Variants in FCRL5 observed in about 807,000 individuals in gnomAD.
The protein encoded by FCRL5 is Fc receptor like 5.
In FCRL5, 79 loss-of-function variants were observed where a neutral mutation model predicts 92.1. That is an observed-to-expected ratio of 0.86 (90% CI 0.72 to 1.03). FCRL5 has a LOEUF of 1.03. Ranked by LOEUF, FCRL5 falls within the 50% of genes least tolerant of loss-of-function variation. The pLI is 0.00. For missense variants in FCRL5, 1,160 were observed against 1,181.1 expected (o/e 0.98, Z 0.26); for synonymous variants, 466 against 469.3 (o/e 0.99, Z 0.09).
rs190713861 is a variant in FCRL5, at chr1:157,550,548, C to T, written c.32-968G>A. The stretch of plus-strand genomic sequence containing the variant: ...AGAGATGGTAATGTGTAATTTTTGT[C>T]AGAGTATTTATCCAAATTATCTTCA... On this transcript the variant is annotated intron_variant, in intron 1 of 16. Transcript: ENST00000361835. Among the ~76,000 whole-genome samples the T allele has an allele frequency of 2.3e-4, 35 of 152,312 alleles. No individual in the cohort carries two copies. The East Asian group carries it at 6.2e-3, about 27-fold the overall frequency.
At chr1:157,525,678 G>A (rs960440250) in intron 9 of FCRL5, among the ~76,000 whole-genome samples, 1 of 152,196 alleles carries the variant, frequency 6.6e-6, no homozygotes, top group Non-Finnish European at 1.5e-5. Flanking sequence ...CTAGATAGAG[G>A]TGGTAGAGAT....
At chr1:157,526,600 A>G (rs988328880) in intron 9 of FCRL5, among the ~76,000 whole-genome samples, 1 of 152,216 alleles carries the variant, frequency 6.6e-6, no homozygotes, top group Non-Finnish European at 1.5e-5. Context: ...TGAAATCTGG[A>G]GACCAGATGG....
intron 13 of FCRL5, among the ~76,000 whole-genome samples, chr1:157,519,305 C>T (rs1226947987): frequency 1.3e-5 from 2 of 152,242 alleles, no homozygotes; most frequent in Non-Finnish European, 2.9e-5. Flanking sequence ...CTACCTCCTG[C>T]TGGCAGAGTG....
At chr1:157,527,107 G>A (rs1030914422) in intron 9 of FCRL5, among the ~76,000 whole-genome samples, 2 of 152,204 alleles carry the variant, frequency 1.3e-5, no homozygotes, top group Non-Finnish European at 2.9e-5. Context: ...AATGGAACAG[G>A]AGCAGGTAAG....
At chr1:157,533,157 T>C (rs1650776368) in intron 8 of FCRL5, 1 of 152,170 alleles carries the variant, frequency 6.6e-6, no homozygotes, top group Admixed American at 6.5e-5. Context: ...AATAACGTCA[T>C]CAACATATAT....
chr1:157,550,042 G>C (rs1651747377), intron 1 of FCRL5, among the ~76,000 whole-genome samples: 1 of 152,204 alleles, frequency 6.6e-6, no homozygotes, highest in East Asian at 1.9e-4. Context: ...TCACAAAACT[G>C]TGAGTGAGAA....
intron 15 of FCRL5, chr1:157,516,143 CT>C: frequency 1.7e-6 from 1 of 579,088 alleles, no homozygotes; most frequent in East Asian, 2.9e-5. Context: ...AGTCATTTGT[CT>C]TTTATCTTGT....
chr1:157,537,044 C>A (rs1333073765), intron 7 of FCRL5, among the ~76,000 whole-genome samples: 1 of 152,024 alleles, frequency 6.6e-6, no homozygotes, highest in Non-Finnish European at 1.5e-5. Flanking sequence ...ACCTCAGGAC[C>A]CTGTGATAAT....
rs113915114 is a variant in FCRL5 at position 157,545,021 on chromosome 1, G to A, written c.369C>T (p.Cys123=). ...TCAGTGTTACTTCCGCCTTTGCCCG[G>A]CACCTCAGAACCACAGAGTCTCCTT... The part of the protein sequence containing the change: ...VFEGDSVVLR[C]RAKAEVTLNN... Residue 123 remains cysteine, a synonymous_variant, in exon 4 of 17, where the codon TGC becomes TGT. Transcript: ENST00000361835. The A allele has an allele frequency of 3.7e-6, 6 of 1,613,428 alleles. No homozygotes were observed. The highest frequency in any genetic ancestry group is 1.3e-5 in the African/African-American group (1 of 75,022).
chr1:157,538,420 C>T lies in FCRL5; in HGVS notation c.1402+666G>A, dbSNP rs1410241086. On this transcript the variant is annotated intron_variant, in intron 7 of 16. Transcript: ENST00000361835. ...GCCATTTAGCCACACATGGATGGTTCAAAACTGAGATCCAAAGCTCAAAGG... is the reference window on the plus strand; with the variant it reads ...GCCATTTAGCCACACATGGATGGTTTAAAACTGAGATCCAAAGCTCAAAGG... 1.1e-4 allele frequency among the ~76,000 whole-genome samples: 17 copies of T among 152,274 alleles called. No individual in the cohort carries two copies. In the East Asian group the frequency reaches 3.3e-3, roughly 29 times the overall value.
In FCRL5 at chr1:157,524,373, G is replaced by C. The variant is rs758230870; in HGVS notation, c.2145C>G (p.Leu715=). 103 of 1,614,120 alleles carry C rather than the reference G, an allele frequency of 6.4e-5. No individual in the cohort carries two copies. The East Asian group carries it at 2.3e-3, about 36-fold the overall frequency. Reference sequence around the variant, plus strand: ...TTCCAGAATGTTCTGTAGTCAGAGAGAGGTTGAAGGAGGCCCCTCCTCCAG... The same window carrying C: ...TTCCAGAATGTTCTGTAGTCAGAGACAGGTTGAAGGAGGCCCCTCCTCCAG... ...APSGGGASFN[L]SLTTEHSGIY... is the part of the protein sequence containing the mutation. The change falls in exon 10 of 17, where the codon CTC becomes CTG. Residue 715 remains leucine (L), a synonymous_variant. Transcript: ENST00000361835.
Position 157,539,273 on chromosome 1 carries a change from T to A in FCRL5, c.1215A>T (p.Arg405Ser). Residue 405 changes from arginine (R) to serine (S), a missense_variant, in exon 7 of 17, where the codon AGA becomes AGT. Physicochemically the swap from Arg to Ser is moderately radical, Grantham distance 110. Transcript: ENST00000361835. ...ACTGGTACAGGATGGGGAGTGAACC[T>A]CTCTGGGCTTCACAGTGAAGTGTCA... ...AKVTLHCEAQ[R>S]GSLPILYQFH... The A allele has an allele frequency of 6.2e-7, 1 of 1,614,152 alleles. No individual in the cohort carries two copies. The highest frequency in any genetic ancestry group is 2.2e-5 in the East Asian group (1 of 44,878).
intron 1 of FCRL5, among the ~76,000 whole-genome samples, chr1:157,549,917 A>G (rs1318378701): frequency 6.6e-6 from 1 of 152,102 alleles, no homozygotes; most frequent in Non-Finnish European, 1.5e-5. Context: ...TTGGGGGCAG[A>G]AGGGCCACTA....
At chr1:157,535,014 C>A in intron 7 of FCRL5, 122 bp from the exon 8 acceptor site, 1 of 864,448 alleles carries the variant, frequency 1.2e-6, no homozygotes, top group East Asian at 2.7e-5. Flanking sequence ...ACCTGGAGGG[C>A]AGCCAAGCAA....
intron 12 of FCRL5, among the ~76,000 whole-genome samples, 194 bp downstream of exon 12, chr1:157,520,237 T>C (rs1571074805): frequency 6.6e-6 from 1 of 152,290 alleles, no homozygotes; most frequent in East Asian, 1.9e-4. Flanking sequence ...GTCTCCCACC[T>C]TATAGGTCTG....
chr1:157,539,115 C>T lies in FCRL5; in HGVS notation c.1373G>A (p.Arg458His), dbSNP rs373884816. The T allele has an allele frequency of 5.0e-5, 80 of 1,613,802 alleles. 1 individual carries two copies. Among genetic ancestry groups the T allele is most frequent in the African/African-American group, 8.0e-5 (6 of 74,934 alleles). ...CTADNGFGPQ[R>H]SKAVSLSVTV... Reference sequence around the variant, plus strand: ...GACGGAGAGGCTCACCGCCTTACTGCGCTGGGGGCCAAAGCCATTGTCAGC... The same window carrying T: ...GACGGAGAGGCTCACCGCCTTACTGTGCTGGGGGCCAAAGCCATTGTCAGC... The change falls in exon 7 of 17, where the codon CGC (arginine) becomes CAC (histidine). Residue 458 changes from arginine to histidine, a missense_variant. Arg to His is a conservative substitution (Grantham distance 29, BLOSUM62 0). Transcript: ENST00000361835.
At position 157,518,731 on chromosome 1, in the gene FCRL5, G is replaced by C. The variant is rs772044403; in HGVS notation, c.2712C>G (p.Ala904=). The change falls in exon 14 of 17, where the codon GCC becomes GCG. Residue 904 remains alanine, a synonymous_variant. Coordinates refer to ENST00000361835, the MANE Select transcript of FCRL5 (RefSeq NM_031281.3). ...SQEPTYHNVP[A]WEELQPVYTN... is the part of the protein sequence containing the mutation. ...TGTACACTGGTTGCAGCTCTTCCCA[G>C]GCTGGTACATTGTGATAGGTGGGCT... is the stretch of plus-strand genomic sequence containing the variant. The C allele has an allele frequency of 6.2e-7, 1 of 1,613,588 alleles. No homozygotes were observed. Among genetic ancestry groups the C allele is most frequent in the South Asian group, 1.1e-5 (1 of 90,814 alleles).
At chr1:157,527,280 C>T (rs1650475731) in intron 9 of FCRL5, among the ~76,000 whole-genome samples, 2 of 152,206 alleles carry the variant, frequency 1.3e-5, no homozygotes, top group South Asian at 2.1e-4. Context: ...TAAATCTCTT[C>T]CAAGGTGAAG....
chr1:157,538,148 G>A (rs2012474), intron 7 of FCRL5, among the ~76,000 whole-genome samples: 13,292 of 151,974 alleles, frequency 0.087, 1,559 homozygotes, highest in African/African-American at 0.27. Flanking sequence ...ACTTTCCTTG[G>A]GCCTCTGAAT....
Sources: allele counts gnomAD v4.1 joint callset (sites outside exome capture counted in the v4.1 genomes callset), GRCh38; gene constraint gnomAD v4.1.1; transcripts MANE v1.5; gene names NCBI Gene and HGNC (gene_info 2026-07-23, HGNC 2026-07-21).